COL5A2: variants seen among roughly 807,000 people sequenced by gnomAD.
The protein encoded by COL5A2 is collagen type V alpha 2 chain, also known as collagen alpha-2(V) chain.
COL5A2 carries 23 observed loss-of-function variants against 208.2 expected under a neutral mutation model. The observed-to-expected ratio is 0.11, with a 90% CI of 0.08 to 0.16. COL5A2 has a LOEUF of 0.16. Ranked by LOEUF, COL5A2 falls within the 10% of genes least tolerant of loss-of-function variation. The probability of loss-of-function intolerance (pLI) is 1.00; values close to 1 mark genes in which losing one functional copy is unlikely to be tolerated. For missense variants in COL5A2, 1,590 were observed against 1,956.4 expected, an observed-to-expected ratio of 0.81 and a Z score of 3.53; for synonymous variants, 625 against 628.5, an observed-to-expected ratio of 0.99 and a Z score of 0.08.
At chr2:189,384,606 G>A in the COL5A2 span, among the ~76,000 whole-genome samples, 2 of 151,898 alleles carry the variant, frequency 1.3e-5, no homozygotes, top group Non-Finnish European at 2.9e-5. Context: ...GTATTTTTTT[G>A]CTATTGAATT....
Position 189,068,172 on chromosome 2 carries a change from T to C in COL5A2, c.1302+54A>G, listed in dbSNP as rs537085121. On this transcript the variant is annotated intron_variant, in intron 20 of 53. Coordinates refer to ENST00000374866, the MANE Select transcript of COL5A2 (RefSeq NM_000393.5). Reference sequence around the variant, plus strand: ...GACACAGGTAGCAGTCTGGGGCCAATGTCTAAAGAATCATGCCCATTTGAG... The same window carrying C: ...GACACAGGTAGCAGTCTGGGGCCAACGTCTAAAGAATCATGCCCATTTGAG... 5.0e-6 allele frequency: 8 copies of C among 1,604,186 alleles called. No individual in the cohort carries two copies. In the South Asian group the frequency reaches 6.6e-5, roughly 13 times the overall value.
In COL5A2 at chr2:189,057,033, A is replaced by G; in HGVS notation, c.2338-7T>C. 4 of 1,613,432 alleles carry G rather than the reference A, an allele frequency of 2.5e-6. No individual in the cohort carries two copies. The highest frequency in any genetic ancestry group is 3.4e-6 in the Non-Finnish European group (4 of 1,179,382). On this transcript the variant is annotated splice_polypyrimidine_tract_variant and splice_region_variant and intron_variant, in intron 34 of 53. Transcript: ENST00000374866. ...CTTTTTCTCCTATGCCACCCTGGGA[A>G]AACACACAAAATACAATTGATTCAT... is the stretch of plus-strand genomic sequence containing the variant.
intron 1 of COL5A2, among the ~76,000 whole-genome samples, chr2:189,166,304 T>A (rs564061134): frequency 2.0e-5 from 3 of 152,262 alleles, no homozygotes; most frequent in Admixed American, 2.0e-4. Context: ...TGAAACTTGC[T>A]TTTGAAGAGA....
At chr2:189,258,189 G>A in the COL5A2 span, among the ~76,000 whole-genome samples, 10 of 152,210 alleles carry the variant, frequency 6.6e-5, no homozygotes, top group East Asian at 1.2e-3. Context: ...TATGTTTGTC[G>A]TGAAAATCAG....
the COL5A2 span, among the ~76,000 whole-genome samples, chr2:189,243,621 CA>C: frequency 6.6e-6 from 1 of 152,170 alleles, no homozygotes; most frequent in Admixed American, 6.5e-5. Context: ...GACACAGAGC[CA>C]AACCATATCA....
At chr2:189,333,155 A>C in the COL5A2 span, among the ~76,000 whole-genome samples, 1 of 152,300 alleles carries the variant, frequency 6.6e-6, no homozygotes, top group East Asian at 1.9e-4. Flanking sequence ...AAATTTGAAA[A>C]AGGAAGAATA....
At chr2:189,214,102 T>C (rs1274791085) in intron 1 of COL5A2, among the ~76,000 whole-genome samples, 2 of 152,144 alleles carry the variant, frequency 1.3e-5, no homozygotes, top group African/African-American at 4.8e-5. Flanking sequence ...CATAGATTTT[T>C]AAAAATATGT....
chr2:189,045,727 G>T (rs1346843187), intron 46 of COL5A2, 73 bp downstream of exon 46: 3 of 1,119,118 alleles, frequency 2.7e-6, no homozygotes, highest in African/African-American at 3.1e-5. Flanking sequence ...CTATGTGTGT[G>T]TGCCTATATG....
At chr2:189,298,729 G>A in the COL5A2 span, among the ~76,000 whole-genome samples, 3 of 152,102 alleles carry the variant, frequency 2.0e-5, no homozygotes, top group Non-Finnish European at 2.9e-5. Flanking sequence ...GACTCTCTTA[G>A]AGCCCCTCCT....
intron 1 of COL5A2, among the ~76,000 whole-genome samples, chr2:189,175,545 T>C (rs1688660763): frequency 9.2e-5 from 2 of 21,750 alleles, no homozygotes; most frequent in African/African-American, 1.9e-4. Flanking sequence ...AAAAGAAAAC[T>C]TTTTTTTTTT....
the COL5A2 span, among the ~76,000 whole-genome samples, chr2:189,323,165 G>A: frequency 1.8e-3 from 270 of 152,234 alleles, 1 homozygote; most frequent in African/African-American, 6.2e-3. Context: ...CTGATGGGAC[G>A]TATCTCAAAA....
intron 1 of COL5A2, among the ~76,000 whole-genome samples, chr2:189,195,984 C>T (rs1317556545): frequency 1.3e-5 from 2 of 152,068 alleles, no homozygotes; most frequent in Non-Finnish European, 2.9e-5. Flanking sequence ...AGATCTTCTG[C>T]ACAGCAAAAG....
At chr2:189,294,776 C>T in the COL5A2 span, among the ~76,000 whole-genome samples, 1 of 152,046 alleles carries the variant, frequency 6.6e-6, no homozygotes, top group African/African-American at 2.4e-5. Context: ...CATTTTTGGC[C>T]TCAATTAACA....
At chr2:189,354,570 G>A in the COL5A2 span, among the ~76,000 whole-genome samples, 1 of 152,154 alleles carries the variant, frequency 6.6e-6, no homozygotes, top group Non-Finnish European at 1.5e-5. Flanking sequence ...TTGCATAGAG[G>A]TGTTTATAAT....
At chr2:189,315,428 T>C in the COL5A2 span, among the ~76,000 whole-genome samples, 2 of 152,184 alleles carry the variant, frequency 1.3e-5, no homozygotes, top group East Asian at 3.9e-4. Context: ...TGAAGGAAAA[T>C]ACCTCAAAAT....
intron 1 of COL5A2, among the ~76,000 whole-genome samples, chr2:189,185,567 G>A (rs549849755): frequency 6.6e-5 from 10 of 152,300 alleles, no homozygotes; most frequent in African/African-American, 2.4e-4. Flanking sequence ...ACACTCTGCT[G>A]ATTGAGTGGA....
chr2:189,377,714 T>C, the COL5A2 span, among the ~76,000 whole-genome samples: 1 of 152,110 alleles, frequency 6.6e-6, no homozygotes, highest in South Asian at 2.1e-4. Flanking sequence ...CCCATCCCAA[T>C]CCCTCCACTT....
chr2:189,279,641 T>C, the COL5A2 span, among the ~76,000 whole-genome samples: 2 of 152,066 alleles, frequency 1.3e-5, no homozygotes, highest in African/African-American at 4.8e-5. Flanking sequence ...TGTATTATTT[T>C]TATAGCTAGA....
In COL5A2 at chr2:189,054,180, C is replaced by T. The variant is rs200019093; in HGVS notation, c.2424G>A (p.Pro808=). 61 of 1,613,986 alleles carry T rather than the reference C, an allele frequency of 3.8e-5. No homozygotes were observed. The East Asian group carries it at 4.0e-4, about 11-fold the overall frequency. ...TTACCTTTTCTCCAGTAGGACCTGC[C>T]GGACCTGGAGGGCCCAAAGGACCTG... ...GLPGPLGPPG[P]AGPTGEKGEP... The change falls in exon 36 of 54, where the codon CCG becomes CCA. Residue 808 remains proline (P), a synonymous_variant. Coordinates refer to ENST00000374866, the MANE Select transcript of COL5A2 (RefSeq NM_000393.5).
Sources: allele counts gnomAD v4.1 joint callset (sites outside exome capture counted in the v4.1 genomes callset), GRCh38; gene constraint gnomAD v4.1.1; transcripts MANE v1.5; gene names NCBI Gene and HGNC (gene_info 2026-07-23, HGNC 2026-07-21).